GPR158: variants seen among roughly 807,000 people sequenced by gnomAD.
The protein encoded by GPR158 is G protein-coupled receptor 158.
In GPR158, 30 loss-of-function variants were observed where a neutral mutation model predicts 78.2. The ratio of observed to expected loss-of-function variants is 0.38; its 90% confidence interval spans 0.29 to 0.52. The LOEUF (loss-of-function observed/expected upper bound fraction) is 0.52. GPR158 is among the 20% of genes least tolerant of loss of function. The pLI is 0.83. For missense variants in GPR158, 1,463 were observed against 1,523.5 expected (o/e 0.96, Z 0.66); for synonymous variants, 581 against 591.1 (o/e 0.98, Z 0.25).
intron 4 of GPR158, among the ~76,000 whole-genome samples, chr10:25,416,141 G>C (rs61195869): frequency 0.075 from 11,410 of 152,078 alleles, 768 homozygotes; most frequent in African/African-American, 0.18. Flanking sequence ...CTAGGTGTTT[G>C]TCTTTTGTAA....
At chr10:25,285,334 T>C (rs2130758560) in intron 2 of GPR158, among the ~76,000 whole-genome samples, 1 of 152,226 alleles carries the variant, frequency 6.6e-6, no homozygotes, top group African/African-American at 2.4e-5. Context: ...ATCTAGCATC[T>C]GAGAGGAGAT....
chr10:25,512,891 A>G (rs1836103456), intron 5 of GPR158, among the ~76,000 whole-genome samples: 1 of 152,140 alleles, frequency 6.6e-6, no homozygotes, highest in Non-Finnish European at 1.5e-5. Flanking sequence ...CCACTTGATC[A>G]TGGTGGATTG....
At chr10:25,423,373 G>A (rs906272878) in intron 4 of GPR158, among the ~76,000 whole-genome samples, 1 of 139,836 alleles carries the variant, frequency 7.2e-6, no homozygotes, top group Non-Finnish European at 1.6e-5. Context: ...GGATCAAATG[G>A]TAAATCTACT....
At chr10:25,534,852 C>G (rs544305620) in intron 5 of GPR158, among the ~76,000 whole-genome samples, 2 of 151,062 alleles carry the variant, frequency 1.3e-5, no homozygotes, top group South Asian at 4.2e-4. Flanking sequence ...ATTTTTCTTA[C>G]TGTTTAAAAC....
At chr10:25,583,562 A>C (rs1372851095) in intron 7 of GPR158, among the ~76,000 whole-genome samples, 1 of 152,202 alleles carries the variant, frequency 6.6e-6, no homozygotes, top group Non-Finnish European at 1.5e-5. Context: ...GAATTATTGA[A>C]GTTGTTTGAT....
chr10:25,182,401 C>T (rs61855462), intron 1 of GPR158, among the ~76,000 whole-genome samples: 1 of 152,140 alleles, frequency 6.6e-6, no homozygotes, highest in Non-Finnish European at 1.5e-5. Context: ...TAAAAACAAC[C>T]TGTTTTCAAT....
At chr10:25,454,862 A>G (rs562461765) in intron 4 of GPR158, among the ~76,000 whole-genome samples, 31 of 152,124 alleles carry the variant, frequency 2.0e-4, no homozygotes, top group Non-Finnish European at 4.1e-4. Flanking sequence ...AAAATGAAGA[A>G]TTTCTTCTCC....
intron 5 of GPR158, among the ~76,000 whole-genome samples, chr10:25,520,956 C>T (rs1588896720): frequency 6.6e-6 from 1 of 152,208 alleles, no homozygotes; most frequent in Admixed American, 6.5e-5. Flanking sequence ...GGGCGCCCCT[C>T]CCCCAGCCTC....
chr10:25,211,684 C>G (rs1853132793), intron 1 of GPR158, among the ~76,000 whole-genome samples: 1 of 146,084 alleles, frequency 6.8e-6, no homozygotes, highest in South Asian at 2.2e-4. Context: ...AGGAAGCCTT[C>G]TGATACCCTG....
At chr10:25,179,305 C>T (rs1046035706) in intron 1 of GPR158, among the ~76,000 whole-genome samples, 10 of 152,038 alleles carry the variant, frequency 6.6e-5, no homozygotes, top group African/African-American at 2.4e-4. Context: ...GTCTTTTAAA[C>T]ATGTGAAGTG....
intron 1 of GPR158, among the ~76,000 whole-genome samples, chr10:25,209,842 C>A (rs74411954): frequency 5.3e-5 from 8 of 152,266 alleles, no homozygotes; most frequent in African/African-American, 1.9e-4. Flanking sequence ...TAAGGTCATG[C>A]CTAATTGTGG....
chr10:25,313,379 C>G (rs955122962), intron 2 of GPR158, among the ~76,000 whole-genome samples: 2 of 151,218 alleles, frequency 1.3e-5, no homozygotes, highest in African/African-American at 4.9e-5. Flanking sequence ...GCACATGTAC[C>G]CTAAAACTTA....
At position 25,338,608 on chromosome 10, in the gene GPR158, A is replaced by ATTATTATATAT. The variant is rs1330312366; in HGVS notation, c.1009-57303_1009-57302insTTATTATATAT. ...ACATATTATATATATTATTATATAT[A>ATTATTATATAT]AAAAATCATATAAATATATAAGCTC... On this transcript the variant is annotated intron_variant, in intron 2 of 10. Transcript: ENST00000376351. Among the ~76,000 whole-genome samples the ATTATTATATAT allele has an allele frequency of 2.7e-5, 4 of 147,028 alleles. No individual in the cohort carries two copies. In the East Asian group the frequency reaches 7.8e-4, roughly 29 times the overall value.
intron 2 of GPR158, among the ~76,000 whole-genome samples, chr10:25,305,556 G>A (rs896405575): frequency 1.3e-5 from 2 of 152,174 alleles, no homozygotes; most frequent in African/African-American, 4.8e-5. Flanking sequence ...GTCAGCAAAT[G>A]TGTCTCAGTG....
intron 2 of GPR158, among the ~76,000 whole-genome samples, chr10:25,390,976 A>C (rs1773608): frequency 0.64 from 97,985 of 151,992 alleles, 32,561 homozygotes; most frequent in Non-Finnish European, 0.73. Flanking sequence ...CCCGTGTGTC[A>C]GCTGTGGCTA....
At chr10:25,385,260 C>T (rs1185404842) in intron 2 of GPR158, among the ~76,000 whole-genome samples, 5 of 152,238 alleles carry the variant, frequency 3.3e-5, no homozygotes, top group African/African-American at 7.2e-5. Flanking sequence ...GCATAATGTC[C>T]TCTATGTTCA....
chr10:25,228,284 T>A (rs1853401182), intron 2 of GPR158, among the ~76,000 whole-genome samples: 1 of 151,804 alleles, frequency 6.6e-6, no homozygotes, highest in African/African-American at 2.4e-5. Flanking sequence ...CTAAAAAAAA[T>A]AATTTAAGAA....
chr10:25,255,750 A>G (rs764135374), intron 2 of GPR158, among the ~76,000 whole-genome samples: 1 of 152,224 alleles, frequency 6.6e-6, no homozygotes, highest in African/African-American at 2.4e-5. Flanking sequence ...TCTCTTTTGA[A>G]TAACTCACCT....
chr10:25,407,584 C>T (rs1005606262), intron 3 of GPR158, among the ~76,000 whole-genome samples: 3 of 152,160 alleles, frequency 2.0e-5, no homozygotes, highest in Non-Finnish European at 4.4e-5. Flanking sequence ...CCAAAGCCTT[C>T]TCCACATATG....
Sources: gnomAD v4.1 joint callset for allele counts (sites outside exome capture counted in the v4.1 genomes callset) on GRCh38, gnomAD v4.1.1 for gene constraint, MANE v1.5 for transcripts, NCBI Gene and HGNC (gene_info 2026-07-23, HGNC 2026-07-21) for gene names.